FAM110B: variants seen among roughly 807,000 people sequenced by gnomAD.
FAM110B encodes protein FAM110B.
A neutral mutation model predicts 20.4 loss-of-function variants in FAM110B; 6 were observed. The ratio of observed to expected loss-of-function variants is 0.29; its 90% confidence interval spans 0.16 to 0.58. The LOEUF is 0.58. Among genes scored for constraint, FAM110B ranks in the 20% least tolerant of loss-of-function variants. The pLI, the probability that FAM110B is intolerant of heterozygous loss-of-function variation, is 0.90. For missense variants in FAM110B, 434 were observed against 498.2 expected, an observed-to-expected ratio of 0.87 and a Z score of 1.23; for synonymous variants, 226 against 214.1, an observed-to-expected ratio of 1.06 and a Z score of -0.49.
At chr8:58,077,267 C>G (rs1356899487) in intron 3 of FAM110B, 1 of 152,234 alleles carries the variant, frequency 6.6e-6, no homozygotes, top group African/African-American at 2.4e-5. Context: ...TACTTTCCAA[C>G]AGGCCCATGC....
chr8:58,126,782 T>C (rs1191751568), intron 3 of FAM110B, among the ~76,000 whole-genome samples: 1 of 152,214 alleles, frequency 6.6e-6, no homozygotes, highest in Non-Finnish European at 1.5e-5. Context: ...GAGAACTCTT[T>C]GTATGTTCTA....
At chr8:58,051,896 T>C (rs529578898) in intron 2 of FAM110B, among the ~76,000 whole-genome samples, 51 of 152,364 alleles carry the variant, frequency 3.3e-4, no homozygotes, top group African/African-American at 1.2e-3. Flanking sequence ...AAAAGCAGCA[T>C]TCATTTAAAT....
chr8:58,141,600 C>A (rs1249404464), intron 3 of FAM110B, among the ~76,000 whole-genome samples: 5 of 152,228 alleles, frequency 3.3e-5, no homozygotes, highest in Admixed American at 2.0e-4. Context: ...CCAGTGCTTT[C>A]TTTCCTACTT....
chr8:58,097,107 A>C (rs565155049), intron 3 of FAM110B, among the ~76,000 whole-genome samples: 1 of 152,288 alleles, frequency 6.6e-6, no homozygotes, highest in South Asian at 2.1e-4. Context: ...GGGTTGGGGA[A>C]GTTTTCCTGC....
In FAM110B at chr8:58,148,169, T is replaced by TTG. The variant is rs1554529065; in HGVS notation, c.*827_*828insGT. 6.8e-6 allele frequency: 1 copy of TTG among 147,966 alleles called. No individual in the cohort carries two copies. Among genetic ancestry groups the TTG allele is most frequent in the African/African-American group, 2.6e-5 (1 of 38,852 alleles). 9.2% of individuals were successfully genotyped at this position (147,966 alleles called of 1,614,324 possible). A position where few individuals can be genotyped will look rare whatever the true frequency, so the allele number is the denominator to read the frequency against. ...AAAAAAAAAGTTGTGGTTTTTTGTT[T>TTG]TTTTTTTTTTTTTTTTTGGTCGAGA... On this transcript the variant is annotated 3_prime_UTR_variant, in exon 4 of 4. Transcript: ENST00000519262.
chr8:58,071,563 G>GGT (rs1805896765), intron 2 of FAM110B, among the ~76,000 whole-genome samples: 2 of 152,186 alleles, frequency 1.3e-5, no homozygotes, highest in Admixed American at 6.5e-5. Flanking sequence ...AAGGGGTTCT[G>GGT]TACTTTCTTT....
At chr8:58,111,911 GT>G (rs1807068056) in intron 3 of FAM110B, among the ~76,000 whole-genome samples, 1 of 152,158 alleles carries the variant, frequency 6.6e-6, no homozygotes, top group Non-Finnish European at 1.5e-5. Context: ...TTCACCCAAT[GT>G]ATATTCATAG....
chr8:58,098,463 A>C (rs1806689897), intron 3 of FAM110B, among the ~76,000 whole-genome samples: 1 of 152,166 alleles, frequency 6.6e-6, no homozygotes, highest in Admixed American at 6.5e-5. Flanking sequence ...AAGCCAGTGG[A>C]TCTTAGCTTG....
At chr8:58,139,521 C>T (rs1293725011) in intron 3 of FAM110B, among the ~76,000 whole-genome samples, 1 of 152,174 alleles carries the variant, frequency 6.6e-6, no homozygotes, top group African/African-American at 2.4e-5. Flanking sequence ...CCTTTTACTC[C>T]TCCATTCGCT....
intron 2 of FAM110B, among the ~76,000 whole-genome samples, chr8:58,051,580 G>T (rs1805442406): frequency 6.6e-6 from 1 of 152,108 alleles, no homozygotes; most frequent in Non-Finnish European, 1.5e-5. Context: ...TTTCGGAGAG[G>T]CCGTGTGCTT....
At chr8:58,113,934 C>T (rs1047341460) in intron 3 of FAM110B, among the ~76,000 whole-genome samples, 3 of 152,170 alleles carry the variant, frequency 2.0e-5, no homozygotes, top group East Asian at 1.9e-4. Context: ...GGTATTACAT[C>T]GGGCCTTAAA....
chr8:58,102,587 C>T (rs181625747), intron 3 of FAM110B, among the ~76,000 whole-genome samples: 1 of 152,234 alleles, frequency 6.6e-6, no homozygotes, highest in African/African-American at 2.4e-5. Context: ...GCTTTTGTTG[C>T]GTAAATGAAT....
intron 3 of FAM110B, among the ~76,000 whole-genome samples, chr8:58,139,370 A>G (rs1803690602): frequency 6.6e-6 from 1 of 152,202 alleles, no homozygotes. Context: ...TAAGAAAGAA[A>G]AAGACACAGC....
chr8:58,001,818 A>G (rs923574316), intron 1 of FAM110B, among the ~76,000 whole-genome samples: 1 of 152,164 alleles, frequency 6.6e-6, no homozygotes, highest in Admixed American at 6.5e-5. Flanking sequence ...TATACCTTGT[A>G]TTAGTGAGAG....
intron 3 of FAM110B, among the ~76,000 whole-genome samples, chr8:58,133,256 G>C (rs1190485954): frequency 1.3e-5 from 2 of 150,288 alleles, no homozygotes; most frequent in South Asian, 2.1e-4. Flanking sequence ...AGGCCGGTAA[G>C]TGAACAAAGC....
intron 2 of FAM110B, among the ~76,000 whole-genome samples, chr8:58,039,994 T>C: frequency 6.7e-6 from 1 of 148,926 alleles, no homozygotes; most frequent in South Asian, 2.1e-4. Flanking sequence ...TTAAATCTTT[T>C]ACATTTTTAA....
chr8:58,032,177 G>A (rs1415533553), intron 2 of FAM110B: 1 of 152,140 alleles, frequency 6.6e-6, no homozygotes. Context: ...CACTTGCAGT[G>A]GCTTTTTTAC....
chr8:58,084,801 T>C (rs1049474788), intron 3 of FAM110B, among the ~76,000 whole-genome samples: 1 of 152,190 alleles, frequency 6.6e-6, no homozygotes, highest in Non-Finnish European at 1.5e-5. Flanking sequence ...TACCTATTCA[T>C]GGGGATTATG....
At chr8:58,097,825 C>T (rs959743616) in intron 3 of FAM110B, among the ~76,000 whole-genome samples, 42 of 152,290 alleles carry the variant, frequency 2.8e-4, no homozygotes, top group African/African-American at 9.4e-4. Context: ...CAGTCAGGCC[C>T]CTCTGCTACA....
Sources: allele counts gnomAD v4.1 joint callset (sites outside exome capture counted in the v4.1 genomes callset), GRCh38; gene constraint gnomAD v4.1.1; transcripts MANE v1.5; gene names NCBI Gene and HGNC (gene_info 2026-07-23, HGNC 2026-07-21).